Variants in UEVLD observed in about 807,000 individuals in gnomAD.
The protein encoded by UEVLD is ubiquitin-conjugating enzyme E2 variant 3.
In UEVLD, 47 loss-of-function variants were observed where a neutral mutation model predicts 58.6. The observed-to-expected ratio is 0.80, with a 90% CI of 0.63 to 1.02. The LOEUF is 1.02. Among genes scored for constraint, UEVLD ranks in the 50% least tolerant of loss-of-function variants. The pLI is 0.00. For missense variants in UEVLD, 510 were observed against 550.6 expected, an observed-to-expected ratio of 0.93 and a Z score of 0.74; for synonymous variants, 197 against 195.3, an observed-to-expected ratio of 1.01 and a Z score of -0.07.
At chr11:18,564,305 A>T (rs570838929) in intron 6 of UEVLD, among the ~76,000 whole-genome samples, 1 of 152,298 alleles carries the variant, frequency 6.6e-6, no homozygotes, top group Non-Finnish European at 1.5e-5. Context: ...TCAGGGCTAC[A>T]TCTCTCAAAT....
chr11:18,558,137 G>T, intron 7 of UEVLD, 91 bp downstream of exon 7: 2 of 825,336 alleles, frequency 2.4e-6, no homozygotes, highest in Non-Finnish European at 3.6e-6. Context: ...CTTGGACAAG[G>T]TGATCTTTAA....
Position 18,531,419 on chromosome 11 carries a change from C to T in UEVLD, c.*901G>A, listed in dbSNP as rs980682406. 3.3e-5 allele frequency: 5 copies of T among 152,220 alleles called. No individual in the cohort carries two copies. Among genetic ancestry groups the T allele is most frequent in the African/African-American group, 1.2e-4 (5 of 41,458 alleles). The allele number at this position is 152,220 out of a possible 1,614,324, so 9.4% of individuals were successfully genotyped here. ...TAAGAAAATATTGCTCTTGATCCATCACCAAAGTGTGTGTACTCTGAACTG... is the reference window on the plus strand; with the variant it reads ...TAAGAAAATATTGCTCTTGATCCATTACCAAAGTGTGTGTACTCTGAACTG... On this transcript the variant is annotated 3_prime_UTR_variant, in exon 12 of 12. Coordinates refer to ENST00000396197, the MANE Select transcript of UEVLD (RefSeq NM_001040697.4).
Position 18,532,252 on chromosome 11 carries a change from T to C in UEVLD, c.*68A>G. The stretch of plus-strand genomic sequence containing the variant: ...CAGGATACAGAAATCCTCAAACCTA[T>C]ATATAGGTAAAATTAAATGACTTTT... On this transcript the variant is annotated 3_prime_UTR_variant, in exon 12 of 12. Coordinates refer to ENST00000396197, the MANE Select transcript of UEVLD (RefSeq NM_001040697.4). The C allele has an allele frequency of 2.1e-6, 3 of 1,461,612 alleles. No individual in the cohort carries two copies. The highest frequency in any genetic ancestry group is 1.8e-4 in the Middle Eastern group (1 of 5,518). 90.5% of individuals were successfully genotyped at this position (1,461,612 alleles called of 1,614,324 possible). A position where few individuals can be genotyped will look rare whatever the true frequency, so the allele number is the denominator to read the frequency against.
At chr11:18,537,311 T>C (rs1156253455) in intron 9 of UEVLD, among the ~76,000 whole-genome samples, 6 of 7,964 alleles carry the variant, frequency 7.5e-4, no homozygotes, top group Non-Finnish European at 4.3e-3. Flanking sequence ...GAAATTTCTT[T>C]ATATATATAT....
chr11:18,557,114 GAGAT>G (rs911963677), intron 7 of UEVLD, among the ~76,000 whole-genome samples: 9 of 150,496 alleles, frequency 6.0e-5, no homozygotes, highest in African/African-American at 1.7e-4. Context: ...AAAAGAGAGA[GAGAT>G]AGAAAATTTA....
chr11:18,587,513 T>C (rs1300068475), intron 1 of UEVLD, among the ~76,000 whole-genome samples: 3 of 152,004 alleles, frequency 2.0e-5, no homozygotes, highest in African/African-American at 7.2e-5. Flanking sequence ...GCATTAAGAA[T>C]TATTTAAGGC....
intron 6 of UEVLD, chr11:18,564,003 TAAAAAAAAA>T: frequency 4.6e-5 from 7 of 153,372 alleles, no homozygotes; most frequent in South Asian, 6.3e-5. Context: ...AGACTCCACC[TAAAAAAAAA>T]AAAAAAAAAA....
chr11:18,588,701 C>T lies in UEVLD; in HGVS notation c.-47G>A. The T allele has an allele frequency of 3.1e-6, 5 of 1,594,850 alleles. No homozygotes were observed. The highest frequency in any genetic ancestry group is 4.3e-6 in the Non-Finnish European group (5 of 1,175,458). On this transcript the variant is annotated 5_prime_UTR_variant, in exon 1 of 12. Coordinates refer to ENST00000396197, the MANE Select transcript of UEVLD (RefSeq NM_001040697.4). ...GGTCCCAGGACTCCAGCCCCCGGAC[C>T]TTCTTCCGGACTTGCTGCAGGACGG...
At chr11:18,570,130 C>A in intron 4 of UEVLD, 84 bp downstream of exon 4, 1 of 1,337,942 alleles carries the variant, frequency 7.5e-7, no homozygotes, top group Non-Finnish European at 1.0e-6. Context: ...AATGCAGTAT[C>A]ATACTTATTT....
chr11:18,563,439 A>C (rs865959958), intron 6 of UEVLD, among the ~76,000 whole-genome samples: 45 of 152,078 alleles, frequency 3.0e-4, no homozygotes, highest in African/African-American at 1.0e-3. Context: ...AAAAAATACA[A>C]GAATTAGTGG....
chr11:18,536,557 T>G, intron 9 of UEVLD, 88 bp from the exon 10 acceptor site: 1 of 1,087,300 alleles, frequency 9.2e-7, no homozygotes, highest in South Asian at 1.3e-5. Context: ...CAAGGGTACC[T>G]GTGCTAATAT....
At chr11:18,541,789 G>A (rs557409384) in intron 9 of UEVLD, among the ~76,000 whole-genome samples, 3 of 152,168 alleles carry the variant, frequency 2.0e-5, no homozygotes, top group Non-Finnish European at 4.4e-5. Context: ...GAAGGCAAAG[G>A]GATTACAAGG....
In UEVLD at chr11:18,577,871, CAAAAAA is replaced by C. The variant is rs550091645; in HGVS notation, c.127+847_127+852del. Reference sequence around the variant, plus strand: ...TGGGCGACAGAGCAAGACTCCATCTCAAAAAAAAAAAAAAAAAAAGAAAGATTAAGA... The same window carrying C: ...TGGGCGACAGAGCAAGACTCCATCTCAAAAAAAAAAAAAGAAAGATTAAGA... On this transcript the variant is annotated intron_variant, in intron 2 of 11. Coordinates refer to ENST00000396197, the MANE Select transcript of UEVLD (RefSeq NM_001040697.4). 2.1e-4 allele frequency among the ~76,000 whole-genome samples: 14 copies of C among 66,754 alleles called. No homozygotes were observed. In the South Asian group the frequency reaches 5.5e-3, roughly 26 times the overall value. The allele number at this position is 66,754 out of a possible 152,430, so 43.8% of individuals were successfully genotyped here.
chr11:18,573,103 C>A (rs1382494053), intron 3 of UEVLD, among the ~76,000 whole-genome samples: 1 of 152,156 alleles, frequency 6.6e-6, no homozygotes, highest in African/African-American at 2.4e-5. Context: ...CTGAGGAAGA[C>A]CCCAGCATAA....
intron 7 of UEVLD, among the ~76,000 whole-genome samples, chr11:18,556,128 C>G (rs1385669004): frequency 6.6e-6 from 1 of 152,152 alleles, no homozygotes; most frequent in Non-Finnish European, 1.5e-5. Flanking sequence ...GAAGCAATAC[C>G]TATTGATGGT....
intron 1 of UEVLD, chr11:18,579,468 T>G: frequency 3.0e-6 from 3 of 985,386 alleles, no homozygotes; most frequent in Non-Finnish European, 3.6e-6. Flanking sequence ...GGATCACCCC[T>G]CTCACCACTA....
rs191301754 is a variant in UEVLD at position 18,552,930 on chromosome 11, T to C, written c.715+5298A>G. On this transcript the variant is annotated intron_variant, in intron 7 of 11. Transcript: ENST00000396197. ...CAGCACTTTGGGAGGCCAAGGCGGG[T>C]GGATCACGAGGTCAGCAGATCGAGA... is the stretch of plus-strand genomic sequence containing the variant. Among the ~76,000 whole-genome samples, 208 of 151,112 alleles carry C rather than the reference T, an allele frequency of 1.4e-3. 1 individual carries two copies. Among genetic ancestry groups the C allele is most frequent in the Non-Finnish European group, 6.8e-4 (46 of 67,774 alleles).
At chr11:18,536,266 A>G in intron 10 of UEVLD, 140 bp downstream of exon 10, 1 of 739,392 alleles carries the variant, frequency 1.4e-6, no homozygotes, top group Non-Finnish European at 2.3e-6. Flanking sequence ...AATATAAAAC[A>G]CTGCTCCTTT....
intron 9 of UEVLD, among the ~76,000 whole-genome samples, chr11:18,538,074 G>A (rs892617068): frequency 3.9e-5 from 6 of 152,154 alleles, no homozygotes; most frequent in Non-Finnish European, 7.3e-5. Context: ...ACATATTTGA[G>A]TAGGCAAAAC....
Sources: allele counts gnomAD v4.1 joint callset (sites outside exome capture counted in the v4.1 genomes callset), GRCh38; gene constraint gnomAD v4.1.1; transcripts MANE v1.5; gene names NCBI Gene and HGNC (gene_info 2026-07-23, HGNC 2026-07-21).